STAT4: variants seen among roughly 807,000 people sequenced by gnomAD.
STAT4 encodes signal transducer and activator of transcription 4.
In STAT4, 42 loss-of-function variants were observed where a neutral mutation model predicts 110.5. That is an observed-to-expected ratio of 0.38 (90% CI 0.30 to 0.49). STAT4 has a LOEUF of 0.49. Ranked by LOEUF, STAT4 falls within the 20% of genes least tolerant of loss-of-function variation. The pLI is 0.95. For missense variants in STAT4, 632 were observed against 887.9 expected (o/e 0.71, Z 3.66); for synonymous variants, 284 against 302.2 (o/e 0.94, Z 0.63).
rs991221416 is a variant in STAT4 at position 191,061,301 on chromosome 2, C to T, written c.1034+428G>A. Among the ~76,000 whole-genome samples the T allele has an allele frequency of 6.6e-6, 1 of 152,080 alleles. No individual in the cohort carries two copies. Among genetic ancestry groups the T allele is most frequent in the African/African-American group, 2.4e-5 (1 of 41,420 alleles). On this transcript the variant is annotated intron_variant, in intron 10 of 23. Transcript: ENST00000392320. The surrounding 1 kb of genome is among the most constrained non-coding windows in gnomAD (Gnocchi z 6.2). ...TCCTGGATAGGATATTCAAAGCCTT[C>T]CAGAATCTGTCCCCAATCTGTCCTC...
chr2:191,132,698 C>A (rs1051297728), intron 3 of STAT4, among the ~76,000 whole-genome samples: 1 of 150,902 alleles, frequency 6.6e-6, no homozygotes, highest in African/African-American at 2.5e-5. Flanking sequence ...AGTGAACAGA[C>A]AACTGCCTAG....
In STAT4 at chr2:191,053,007, T is replaced by C. The variant is rs1460891199; in HGVS notation, c.1251+1483A>G. ...CTCATCTTTGGTGAGGCTATGATGT[T>C]TGGCAAATGATCTTTAAGACACAAT... On this transcript the variant is annotated intron_variant, in intron 14 of 23. Coordinates refer to ENST00000392320, the MANE Select transcript of STAT4 (RefSeq NM_003151.4). The surrounding 1 kb of genome is among the most constrained non-coding windows in gnomAD (Gnocchi z 4.5). 5.3e-5 allele frequency among the ~76,000 whole-genome samples: 8 copies of C among 152,186 alleles called. No homozygotes were observed. The highest frequency in any genetic ancestry group is 8.8e-5 in the Non-Finnish European group (6 of 68,034).
At chr2:191,139,724 A>G (rs1699271859) in intron 3 of STAT4, among the ~76,000 whole-genome samples, 1 of 152,182 alleles carries the variant, frequency 6.6e-6, no homozygotes, top group South Asian at 2.1e-4. Flanking sequence ...AAATACCATC[A>G]TCATTCTTCA....
In STAT4 at chr2:191,033,403, C is replaced by G; in HGVS notation, c.1852+87G>C. 6.9e-7 allele frequency: 1 copy of G among 1,439,172 alleles called. No individual in the cohort carries two copies. The allele number at this position is 1,439,172 out of a possible 1,614,324, so 89.2% of individuals were successfully genotyped here. A position where few individuals can be genotyped will look rare whatever the true frequency, so the allele number is the denominator to read the frequency against. On this transcript the variant is annotated intron_variant, in intron 20 of 23. Coordinates refer to ENST00000392320, the MANE Select transcript of STAT4 (RefSeq NM_003151.4). This position sits in a 1 kb window ranked among gnomAD's most constrained non-coding sequence, Gnocchi z 6.9. ...ACTGAATACATCACAGACAGATCAACACACCATACACTTCCAAAAACTGAA... is the reference window on the plus strand; with the variant it reads ...ACTGAATACATCACAGACAGATCAAGACACCATACACTTCCAAAAACTGAA...
chr2:191,109,356 T>A (rs1698366435), intron 3 of STAT4, among the ~76,000 whole-genome samples: 1 of 152,144 alleles, frequency 6.6e-6, no homozygotes, highest in South Asian at 2.1e-4. Context: ...GAGTTCCATT[T>A]GTATAGCTAA....
In STAT4 at chr2:191,039,129, G is replaced by T; in HGVS notation, c.1434+70C>A. On this transcript the variant is annotated intron_variant, in intron 16 of 23. Transcript: ENST00000392320. The surrounding 1 kb of genome is among the most constrained non-coding windows in gnomAD (Gnocchi z 4.7). Reference sequence around the variant, plus strand: ...CCCACTGGCACACACATGTTTTGATGCAGATGTGTTTGTTGGCAATAAAAC... The same window carrying T: ...CCCACTGGCACACACATGTTTTGATTCAGATGTGTTTGTTGGCAATAAAAC... The T allele has an allele frequency of 7.3e-7, 1 of 1,360,588 alleles. No homozygotes were observed. The highest frequency in any genetic ancestry group is 1.2e-5 in the South Asian group (1 of 85,568). 84.3% of individuals were successfully genotyped at this position (1,360,588 alleles called of 1,614,324 possible). A position where few individuals can be genotyped will look rare whatever the true frequency, so the allele number is the denominator to read the frequency against.
intron 18 of STAT4, 21 bp downstream of exon 18, chr2:191,034,527 T>G (rs1370898861): frequency 1.4e-5 from 23 of 1,596,174 alleles, no homozygotes; most frequent in Non-Finnish European, 2.0e-5. Context: ...ATCTAAATGA[T>G]GTTTCCCCGA....
At position 191,140,427 on chromosome 2, in the gene STAT4, C is replaced by T. The variant is rs56252147; in HGVS notation, c.273+6186G>A. 1.8e-3 allele frequency among the ~76,000 whole-genome samples: 277 copies of T among 152,106 alleles called. No individual in the cohort carries two copies. The highest frequency in any genetic ancestry group is 6.1e-3 in the African/African-American group (255 of 41,512). On this transcript the variant is annotated intron_variant, in intron 3 of 23. Coordinates refer to ENST00000392320, the MANE Select transcript of STAT4 (RefSeq NM_003151.4). This position sits in a 1 kb window ranked among gnomAD's most constrained non-coding sequence, Gnocchi z 4.4. Reference sequence around the variant, plus strand: ...AACTAATAATAATCCCATCAAAAAGCGGGCAAAGGACTTGAATACACAATT... The same window carrying T: ...AACTAATAATAATCCCATCAAAAAGTGGGCAAAGGACTTGAATACACAATT...
At chr2:191,149,747 T>C (rs1050824995) in intron 1 of STAT4, among the ~76,000 whole-genome samples, 1 of 152,212 alleles carries the variant, frequency 6.6e-6, no homozygotes, top group Admixed American at 6.5e-5. Context: ...TTTGTTCTCA[T>C]GCTACTATCA....
At position 191,116,479 on chromosome 2, in the gene STAT4, C is replaced by G. The variant is rs1350258825; in HGVS notation, c.273+30134G>C. On this transcript the variant is annotated intron_variant, in intron 3 of 23. Coordinates refer to ENST00000392320, the MANE Select transcript of STAT4 (RefSeq NM_003151.4). This position sits in a 1 kb window ranked among gnomAD's most constrained non-coding sequence, Gnocchi z 4.1. Reference sequence around the variant, plus strand: ...CCCGAGTAGCCTAGAAAATAATCTTCTAATAAAATCAGTGTAGATTTACAA... The same window carrying G: ...CCCGAGTAGCCTAGAAAATAATCTTGTAATAAAATCAGTGTAGATTTACAA... Among the ~76,000 whole-genome samples the G allele has an allele frequency of 6.6e-6, 1 of 152,146 alleles. No individual in the cohort carries two copies. The highest frequency in any genetic ancestry group is 6.5e-5 in the Admixed American group (1 of 15,280).
In STAT4 at chr2:191,083,593, C is replaced by G. The variant is rs951344981; in HGVS notation, c.274-7268G>C. On this transcript the variant is annotated intron_variant, in intron 3 of 23. Coordinates refer to ENST00000392320, the MANE Select transcript of STAT4 (RefSeq NM_003151.4). This position sits in a 1 kb window ranked among gnomAD's most constrained non-coding sequence, Gnocchi z 4.6. ...TGTAGATATTTATTCTTTGTGGTAT[C>G]TCTGGGATATGAAGCATTTGTCTCC... is the stretch of plus-strand genomic sequence containing the variant. Among the ~76,000 whole-genome samples the G allele has an allele frequency of 2.0e-5, 3 of 152,118 alleles. No individual in the cohort carries two copies. Among genetic ancestry groups the G allele is most frequent in the Non-Finnish European group, 4.4e-5 (3 of 68,030 alleles).
At position 191,046,747 on chromosome 2, in the gene STAT4, G is replaced by A. The variant is rs1247166115; in HGVS notation, c.1252-5599C>T. ...CAGAGCTCCTAAGACCTTTCTAGAT[G>A]GAGATGCCAGGTGAGTCTTCTGTTC... On this transcript the variant is annotated intron_variant, in intron 14 of 23. Transcript: ENST00000392320. The surrounding 1 kb of genome is among the most constrained non-coding windows in gnomAD (Gnocchi z 4.6). Among the ~76,000 whole-genome samples the A allele has an allele frequency of 1.3e-5, 2 of 152,182 alleles. No individual in the cohort carries two copies. The highest frequency in any genetic ancestry group is 1.5e-5 in the Non-Finnish European group (1 of 68,030).
chr2:191,030,369 G>T lies in STAT4; in HGVS notation c.2221-503C>A, dbSNP rs1378129876. On this transcript the variant is annotated intron_variant, in intron 23 of 23. Transcript: ENST00000392320. The surrounding 1 kb of genome is among the most constrained non-coding windows in gnomAD (Gnocchi z 4.4). ...TTTGAACCCATTGACAGTATTGGTG[G>T]ATAAGAGCAAATAGCATGCATCCCA... 2.0e-5 allele frequency among the ~76,000 whole-genome samples: 3 copies of T among 152,124 alleles called. No individual in the cohort carries two copies. The highest frequency in any genetic ancestry group is 4.4e-5 in the Non-Finnish European group (3 of 68,010).
intron 3 of STAT4, among the ~76,000 whole-genome samples, chr2:191,145,208 A>T (rs763967055): frequency 6.6e-6 from 1 of 152,184 alleles, no homozygotes; most frequent in Non-Finnish European, 1.5e-5. Flanking sequence ...ATTGTAGTGT[A>T]AAAGCAATCA....
Position 191,146,069 on chromosome 2 carries a change from A to G in STAT4, c.273+544T>C, listed in dbSNP as rs1283309513. The stretch of plus-strand genomic sequence containing the variant: ...AGAAGTCAAACACATAGAAATAGCA[A>G]TAATGTCGAATATACTAAATGCCAC... On this transcript the variant is annotated intron_variant, in intron 3 of 23. Transcript: ENST00000392320. The surrounding 1 kb of genome is among the most constrained non-coding windows in gnomAD (Gnocchi z 4.5). 2.6e-5 allele frequency among the ~76,000 whole-genome samples: 4 copies of G among 152,216 alleles called. No homozygotes were observed. In the East Asian group the frequency reaches 7.7e-4, roughly 29 times the overall value.
rs552529355 is a variant in STAT4 at position 191,097,083 on chromosome 2, A to C, written c.274-20758T>G. Among the ~76,000 whole-genome samples, 5 of 152,362 alleles carry C rather than the reference A, an allele frequency of 3.3e-5. No homozygotes were observed. In the East Asian group the frequency reaches 9.6e-4, roughly 29 times the overall value. On this transcript the variant is annotated intron_variant, in intron 3 of 23. Coordinates refer to ENST00000392320, the MANE Select transcript of STAT4 (RefSeq NM_003151.4). ...TACAAGGGATGTGAAGGACCTCTTC[A>C]AGGAAAAACACAAACCACTGCTCGA...
In STAT4 at chr2:191,150,245, A is replaced by G. The variant is rs1288708933; in HGVS notation, c.-2+702T>C. On this transcript the variant is annotated intron_variant, in intron 1 of 23. Coordinates refer to ENST00000392320, the MANE Select transcript of STAT4 (RefSeq NM_003151.4). The surrounding 1 kb of genome is among the most constrained non-coding windows in gnomAD (Gnocchi z 6.4). ...GCTGAAAAAAGGAAGAAGAAGGAATACATAGTCCTAGGACATTTTCTATTG... is the reference window on the plus strand; with the variant it reads ...GCTGAAAAAAGGAAGAAGAAGGAATGCATAGTCCTAGGACATTTTCTATTG... Among the ~76,000 whole-genome samples the G allele has an allele frequency of 2.0e-5, 3 of 152,208 alleles. 1 individual carries two copies. Among genetic ancestry groups the G allele is most frequent in the Middle Eastern group, 3.2e-3 (1 of 316 alleles).
intron 3 of STAT4, among the ~76,000 whole-genome samples, chr2:191,130,929 T>C (rs755945733): frequency 1.5e-5 from 2 of 135,434 alleles, no homozygotes; most frequent in Non-Finnish European, 3.1e-5. Flanking sequence ...CTCAAAAATA[T>C]CAAAAATTAA....
In STAT4 at chr2:191,033,290, G is replaced by A. The variant is rs539029257; in HGVS notation, c.1853-141C>T. 7.7e-5 allele frequency: 88 copies of A among 1,136,940 alleles called. 2 individuals are homozygous for A. In the South Asian group the frequency reaches 1.3e-3, roughly 17 times the overall value. The allele number at this position is 1,136,940 out of a possible 1,614,324, so 70.4% of individuals were successfully genotyped here. On this transcript the variant is annotated intron_variant, in intron 20 of 23. Coordinates refer to ENST00000392320, the MANE Select transcript of STAT4 (RefSeq NM_003151.4). The surrounding 1 kb of genome is among the most constrained non-coding windows in gnomAD (Gnocchi z 6.9). ...TTCAATGTCAGACCTTCTGCTGTCT[G>A]GACAGTATAGATTGTGCATACGATA...
Sources: gnomAD v4.1 joint callset for allele counts (sites outside exome capture counted in the v4.1 genomes callset) on GRCh38, gnomAD v4.1.1 for gene constraint, Gnocchi (gnomAD v3.1) non-coding constraint, MANE v1.5 for transcripts, NCBI Gene and HGNC (gene_info 2026-07-23, HGNC 2026-07-21) for gene names.